The following UBR4 variants were observed in gnomAD, a reference collection of about 807,000 sequenced individuals.
The protein encoded by UBR4 is E3 ubiquitin-protein ligase UBR4.
UBR4 carries 124 observed loss-of-function variants against 575.6 expected under a neutral mutation model. That is an observed-to-expected ratio of 0.22 (90% CI 0.19 to 0.25). The LOEUF is 0.25. Among genes scored for constraint, UBR4 ranks in the 10% least tolerant of loss-of-function variants. The pLI is 1.00. For synonymous variants in UBR4, 2,455 were observed against 2,473.7 expected, an observed-to-expected ratio of 0.99 and a Z score of 0.22; for missense variants, 4,818 against 6,478.8, an observed-to-expected ratio of 0.74 and a Z score of 8.80.
chr1:19,150,415 C>T (rs939884039), intron 49 of UBR4, among the ~76,000 whole-genome samples, 162 bp downstream of exon 49: 1 of 152,064 alleles, frequency 6.6e-6, no homozygotes, highest in Non-Finnish European at 1.5e-5. Context: ...AGGCTTTGCA[C>T]GCTAAAGAGA....
chr1:19,206,195 G>A (rs2092998438), intron 1 of UBR4, among the ~76,000 whole-genome samples: 1 of 152,192 alleles, frequency 6.6e-6, no homozygotes. Context: ...CCCGGTGGTG[G>A]GAGCCTGTAG....
At chr1:19,172,821 G>A in intron 25 of UBR4, 43 bp downstream of exon 25, 3 of 1,579,952 alleles carry the variant, frequency 1.9e-6, no homozygotes, top group Non-Finnish European at 2.6e-6. Flanking sequence ...TCTGCACGGA[G>A]TGAAGAGTGC....
In UBR4 at chr1:19,110,325, G is replaced by T; in HGVS notation, c.11977+55C>A. The T allele has an allele frequency of 6.2e-7, 1 of 1,613,472 alleles. No homozygotes were observed. Among genetic ancestry groups the T allele is most frequent in the Non-Finnish European group, 8.5e-7 (1 of 1,179,546 alleles). On this transcript the variant is annotated intron_variant, in intron 80 of 105. Coordinates refer to ENST00000375254, the MANE Select transcript of UBR4 (RefSeq NM_020765.3). This position sits in a 1 kb window ranked among gnomAD's most constrained non-coding sequence, Gnocchi z 4.5. Reference sequence around the variant, plus strand: ...GTTTCCCTCCTCCCCTCCCAGTCCGGCCAGGACTGCTCCTTTGAGCCTCCT... The same window carrying T: ...GTTTCCCTCCTCCCCTCCCAGTCCGTCCAGGACTGCTCCTTTGAGCCTCCT...
intron 14 of UBR4, among the ~76,000 whole-genome samples, chr1:19,185,537 T>C (rs986954802): frequency 5.9e-5 from 9 of 151,810 alleles, no homozygotes; most frequent in Non-Finnish European, 1.3e-4. Flanking sequence ...CATTATTGCA[T>C]GTAAATTATA....
Position 19,157,324 on chromosome 1 carries a change from GA to G in UBR4, c.5761-400del, listed in dbSNP as rs989775245. 2.0e-5 allele frequency among the ~76,000 whole-genome samples: 3 copies of G among 152,224 alleles called. No homozygotes were observed. Among genetic ancestry groups the G allele is most frequent in the Non-Finnish European group, 4.4e-5 (3 of 68,036 alleles). ...GTGGTGATGGAGAGGCCAGAATACA[GA>G]AAAGTGTGAGTTAAGATACCTAGCA... On this transcript the variant is annotated intron_variant, in intron 40 of 105. Transcript: ENST00000375254. The surrounding 1 kb of genome is among the most constrained non-coding windows in gnomAD (Gnocchi z 4.4).
At position 19,209,963 on chromosome 1, in the gene UBR4, C is replaced by T. The variant is rs2093234474; in HGVS notation, c.176+110G>A. On this transcript the variant is annotated intron_variant, in intron 1 of 105. Coordinates refer to ENST00000375254, the MANE Select transcript of UBR4 (RefSeq NM_020765.3). ...CGGGACCCCGAAGCCGTGGCTGTGG[C>T]GGGGATCCTCAAGGGGGCAGGGGGC... is the stretch of plus-strand genomic sequence containing the variant. The T allele has an allele frequency of 3.0e-6, 4 of 1,340,048 alleles. No homozygotes were observed. The African/African-American group carries it at 4.6e-5, about 15-fold the overall frequency. 83.0% of individuals were successfully genotyped at this position (1,340,048 alleles called of 1,614,324 possible). A position where few individuals can be genotyped will look rare whatever the true frequency, so the allele number is the denominator to read the frequency against.
rs769693869 is a variant in UBR4, at chr1:19,087,840, G to A, written c.14520C>T (p.Ile4840=). 9 of 1,611,204 alleles carry A rather than the reference G, an allele frequency of 5.6e-6. No homozygotes were observed. In the Admixed American group the frequency reaches 1.5e-4, roughly 27 times the overall value. ...CCTGGAACTTGTATCCCTCCCTGCA[G>A]ATGCAGCACGTGAGGCCAGGCTCCT... ...LIEEPGLTCC[I]CREGYKFQPT... Residue 4840 remains isoleucine, a synonymous_variant, in exon 99 of 106, where the codon ATC becomes ATT. Coordinates refer to ENST00000375254, the MANE Select transcript of UBR4 (RefSeq NM_020765.3).
chr1:19,081,489 T>C lies in UBR4; in HGVS notation c.15093A>G (p.Glu5031=). Residue 5031 remains glutamate (E), a synonymous_variant, in exon 103 of 106, where the codon GAA becomes GAG. Transcript: ENST00000375254. The part of the protein sequence containing the change: ...PKEKWVESAF[E]VDGPYYFTVL... ...CTGTGAAATAGTAGGGCCCGTCCACTTCAAAGGCACTCTCCACCCACTTCT... is the reference window on the plus strand; with the variant it reads ...CTGTGAAATAGTAGGGCCCGTCCACCTCAAAGGCACTCTCCACCCACTTCT... The C allele has an allele frequency of 1.2e-6, 2 of 1,613,918 alleles. No individual in the cohort carries two copies. The highest frequency in any genetic ancestry group is 1.7e-6 in the Non-Finnish European group (2 of 1,179,996).
At chr1:19,077,039 T>C (rs1364813864) in intron 104 of UBR4, 137 bp from the exon 105 acceptor site, 3 of 892,086 alleles carry the variant, frequency 3.4e-6, no homozygotes, top group South Asian at 3.7e-5. Context: ...ACAGGCACCC[T>C]AGAGCGTGCG....
chr1:19,096,984 C>T (rs2078120311), intron 91 of UBR4, among the ~76,000 whole-genome samples: 1 of 130,780 alleles, frequency 7.6e-6, no homozygotes, highest in South Asian at 2.5e-4. Context: ...TAAAAGTTTG[C>T]TGGTATTCTT....
intron 69 of UBR4, 131 bp from the exon 70 acceptor site, chr1:19,119,832 T>G: frequency 8.1e-7 from 1 of 1,236,634 alleles, no homozygotes; most frequent in Non-Finnish European, 1.1e-6. Context: ...GTTTCACTTT[T>G]GACAATCAAT....
chr1:19,147,967 T>C (rs137904603), intron 51 of UBR4, 26 bp downstream of exon 51: 273 of 1,606,110 alleles, frequency 1.7e-4, no homozygotes, highest in Non-Finnish European at 2.2e-4. Flanking sequence ...AGCACTGCAA[T>C]TTCCTTTCCC....
Position 19,084,590 on chromosome 1 carries a change from G to A in UBR4, c.14922C>T (p.Phe4974=). 6.2e-7 allele frequency: 1 copy of A among 1,614,242 alleles called. No individual in the cohort carries two copies. The highest frequency in any genetic ancestry group is 1.6e-4 in the Middle Eastern group (1 of 6,062). Residue 4974 remains phenylalanine, a synonymous_variant, in exon 102 of 106, where the codon TTC becomes TTT. Coordinates refer to ENST00000375254, the MANE Select transcript of UBR4 (RefSeq NM_020765.3). ...LFLRFAMEQS[F]SADTGGGGRE... ...GGCCGCCCCCGCCAGTGTCTGCGCT[G>A]AACGACTGCTCCATGGCGAAGCGCA...
chr1:19,097,893 C>A (rs2078212938), intron 90 of UBR4, among the ~76,000 whole-genome samples: 1 of 152,132 alleles, frequency 6.6e-6, no homozygotes, highest in Non-Finnish European at 1.5e-5. Context: ...TTAAGCTAAA[C>A]CCACAATCTG....
chr1:19,210,095 G>C lies in UBR4; in HGVS notation c.154C>G (p.Leu52Val). The C allele has an allele frequency of 6.3e-7, 1 of 1,578,142 alleles. No homozygotes were observed. Among genetic ancestry groups the C allele is most frequent in the Non-Finnish European group, 8.6e-7 (1 of 1,164,928 alleles). The change falls in exon 1 of 106, where the codon CTG becomes GTG. Residue 52 changes from leucine (L) to valine (V), a missense_variant. Physicochemically the swap from Leu to Val is conservative, Grantham distance 32 (BLOSUM62 1). Coordinates refer to ENST00000375254, the MANE Select transcript of UBR4 (RefSeq NM_020765.3). ...TACCTCTCGATGACTGAGGCCACCA[G>C]CTGCGGCAACTCCTTCATCTCGAAG... ...SAFEMKELPQ[L>V]VASVIESESE... is the part of the protein sequence containing the mutation.
intron 77 of UBR4, 83 bp from the exon 78 acceptor site, chr1:19,112,950 G>GA: frequency 2.8e-6 from 4 of 1,435,444 alleles, no homozygotes; most frequent in Non-Finnish European, 3.7e-6. Flanking sequence ...TTTTGCTTTA[G>GA]AAAAAACTTT....
intron 57 of UBR4, 41 bp from the exon 58 acceptor site, chr1:19,140,933 G>T (rs372352630): frequency 6.4e-7 from 1 of 1,561,436 alleles, no homozygotes; most frequent in Admixed American, 1.9e-5. Flanking sequence ...TCCCCTCCAG[G>T]TCCCATCCAC....
At position 19,148,070 on chromosome 1, in the gene UBR4, G is replaced by T. The variant is rs1453077007; in HGVS notation, c.7552C>A (p.Pro2518Thr). The stretch of plus-strand genomic sequence containing the variant: ...TTGGACTGCTGCTGGACACTGGCAG[G>T]TGCTGGCAGGGACAACAGCAAAGTG... Reference protein sequence around the residue: ...LATLLLSLPAPASVQQQSKSL... With the variant: ...LATLLLSLPATASVQQQSKSL... The change falls in exon 51 of 106, where the codon CCT becomes ACT. Residue 2518 changes from proline to threonine, a missense_variant. Coordinates refer to ENST00000375254, the MANE Select transcript of UBR4 (RefSeq NM_020765.3). 6.2e-7 allele frequency: 1 copy of T among 1,611,776 alleles called. No individual in the cohort carries two copies. Among genetic ancestry groups the T allele is most frequent in the Non-Finnish European group, 8.5e-7 (1 of 1,179,952 alleles).
chr1:19,195,050 G>T (rs992922291), intron 8 of UBR4, among the ~76,000 whole-genome samples: 1 of 151,554 alleles, frequency 6.6e-6, no homozygotes, highest in African/African-American at 2.4e-5. Context: ...CACGAGGTCA[G>T]GAGATCGAGA....
Sources: gnomAD v4.1 joint callset for allele counts (sites outside exome capture counted in the v4.1 genomes callset) on GRCh38, gnomAD v4.1.1 for gene constraint, Gnocchi (gnomAD v3.1) non-coding constraint, MANE v1.5 for transcripts, NCBI Gene and HGNC (gene_info 2026-07-23, HGNC 2026-07-21) for gene names.